Variants in NKIRAS1 observed in about 807,000 individuals in gnomAD.
NKIRAS1 encodes the protein NF-kappa-B inhibitor-interacting Ras-like protein 1.
A neutral mutation model predicts 19.8 loss-of-function variants in NKIRAS1; 16 were observed. The ratio of observed to expected loss-of-function variants is 0.81; its 90% CI spans 0.55 to 1.23. The LOEUF (loss-of-function observed/expected upper bound fraction) is 1.23. NKIRAS1 is among the 50% of genes most tolerant of loss of function. NKIRAS1 has a pLI of 0.00. For synonymous variants in NKIRAS1, 88 were observed against 79.0 expected (o/e 1.11, Z -0.61); for missense variants, 184 against 220.0 (o/e 0.84, Z 1.04).
chr3:23,914,556 A>G (rs1423431187), intron 1 of NKIRAS1, among the ~76,000 whole-genome samples: 2 of 152,230 alleles, frequency 1.3e-5, no homozygotes, highest in African/African-American at 4.8e-5. Context: ...GTATTGCACA[A>G]AATAAAATGT....
At chr3:23,919,288 C>G (rs766621970), upstream of NKIRAS1, 1 of 1,608,076 alleles carries the variant, frequency 6.2e-7, no homozygotes, top group South Asian at 1.1e-5. Context: ...AGGTTATCCT[C>G]ATTGATCCAT....
intron 1 of NKIRAS1, chr3:23,945,587 G>C: frequency 8.6e-7 from 1 of 1,166,628 alleles, no homozygotes; most frequent in Non-Finnish European, 1.1e-6. Flanking sequence ...CCATGGAGGT[G>C]AATGCAGGTA....
chr3:23,893,461 T>G, intron 4 of NKIRAS1, 124 bp from the exon 5 acceptor site: 1 of 795,584 alleles, frequency 1.3e-6, no homozygotes, highest in Non-Finnish European at 2.0e-6. Context: ...GATTCTCAAG[T>G]GTGACTGGAT....
chr3:23,939,764 CAAAA>C lies in NKIRAS1; in HGVS notation c.-140+6555_-140+6558del, dbSNP rs1265455673. On this transcript the variant is annotated intron_variant, in intron 1 of 4. Transcript: ENST00000421515. ...GTCTCAAAACAAACAAACAAACAAA[CAAAA>C]AACAAAAAAGGGAAACTGTAGAGTT... Among the ~76,000 whole-genome samples the C allele has an allele frequency of 1.9e-4, 28 of 151,252 alleles. No individual in the cohort carries two copies. The East Asian group carries it at 5.4e-3, about 29-fold the overall frequency.
In NKIRAS1 at chr3:23,940,052, C is replaced by T. The variant is rs146283557; in HGVS notation, c.-140+6271G>A. ...TTTAAATTTAAATTTAAAAACTGACCGGGTGCGTAGGCTCACACCTGTAAT... is the reference window on the plus strand; with the variant it reads ...TTTAAATTTAAATTTAAAAACTGACTGGGTGCGTAGGCTCACACCTGTAAT... On this transcript the variant is annotated intron_variant, in intron 1 of 4. Coordinates refer to the NKIRAS1 transcript ENST00000421515. Among the ~76,000 whole-genome samples the T allele has an allele frequency of 6.3e-4, 95 of 150,846 alleles. 1 individual carries two copies. The highest frequency in any genetic ancestry group is 2.2e-3 in the African/African-American group (92 of 41,078).
upstream of NKIRAS1, chr3:23,921,961 C>A: frequency 4.4e-6 from 1 of 226,584 alleles, no homozygotes; most frequent in East Asian, 9.3e-5. Flanking sequence ...CTGCCTTGGC[C>A]TCCCAAAGTG....
At position 23,891,430 on chromosome 3, in the gene NKIRAS1, ATTAG is replaced by A. The variant is rs961122880; in HGVS notation, c.*1661_*1664del. On this transcript the variant is annotated 3_prime_UTR_variant, in exon 5 of 5. Transcript: ENST00000425478. The stretch of plus-strand genomic sequence containing the variant: ...TAAAAATAATGCATATTTAGTAGGT[ATTAG>A]TTAGTTACCTATATTAGGATCTGTA... The A allele has an allele frequency of 5.3e-5, 8 of 152,232 alleles. No homozygotes were observed. The highest frequency in any genetic ancestry group is 1.0e-4 in the Non-Finnish European group (7 of 68,036). 9.4% of individuals were successfully genotyped at this position (152,232 alleles called of 1,614,324 possible). A position where few individuals can be genotyped will look rare whatever the true frequency, so the allele number is the denominator to read the frequency against.
chr3:23,931,738 A>G (rs1393818131), intron 1 of NKIRAS1, among the ~76,000 whole-genome samples: 4 of 150,480 alleles, frequency 2.7e-5, no homozygotes, highest in Admixed American at 6.6e-5. Context: ...GAGAGAGAGA[A>G]AGAAAGGTAG....
At chr3:23,908,861 C>CT (rs1218138162) in intron 3 of NKIRAS1, among the ~76,000 whole-genome samples, 4 of 136,638 alleles carry the variant, frequency 2.9e-5, no homozygotes, top group African/African-American at 1.1e-4. Context: ...TTTTTTTTTT[C>CT]TTTTTTTCAT....
At chr3:23,914,542 C>CAACA (rs1179611659) in intron 1 of NKIRAS1, among the ~76,000 whole-genome samples, 1 of 152,172 alleles carries the variant, frequency 6.6e-6, no homozygotes, top group Non-Finnish European at 1.5e-5. Context: ...AGGTTTTGCA[C>CAACA]ACAGTATTGC....
chr3:23,921,953 G>A (rs1284981078), upstream of NKIRAS1: 1 of 237,672 alleles, frequency 4.2e-6, no homozygotes, highest in South Asian at 1.2e-4. Flanking sequence ...AAGCAATCCT[G>A]CCTTGGCCTC....
At chr3:23,914,524 T>C (rs1704104669) in intron 1 of NKIRAS1, among the ~76,000 whole-genome samples, 1 of 152,242 alleles carries the variant, frequency 6.6e-6, no homozygotes, top group Non-Finnish European at 1.5e-5. Context: ...CATAAAAATA[T>C]ATTCAACAGG....
intron 1 of NKIRAS1, among the ~76,000 whole-genome samples, chr3:23,913,753 T>C (rs1704011122): frequency 6.6e-6 from 1 of 152,130 alleles, no homozygotes; most frequent in Admixed American, 6.6e-5. Flanking sequence ...ACAAAGGTGG[T>C]CATCTGCAGT....
intron 3 of NKIRAS1, among the ~76,000 whole-genome samples, chr3:23,908,662 A>G (rs575290532): frequency 6.6e-6 from 1 of 152,250 alleles, no homozygotes; most frequent in African/African-American, 2.4e-5. Flanking sequence ...AGTAGTTTAC[A>G]AATGTCTCCA....
Position 23,890,516 on chromosome 3 carries a change from C to G in NKIRAS1, c.*2579G>C. 1.2e-6 allele frequency: 2 copies of G among 1,611,504 alleles called. No homozygotes were observed. The highest frequency in any genetic ancestry group is 3.3e-4 in the Middle Eastern group (2 of 6,054). ...TACATTCTTTTCTTCCAGCCGACCCCTTGGTGGGAAGTATTGCCACTCAGT... is the reference window on the plus strand; with the variant it reads ...TACATTCTTTTCTTCCAGCCGACCCGTTGGTGGGAAGTATTGCCACTCAGT... On this transcript the variant is annotated 3_prime_UTR_variant, in exon 5 of 5. Transcript: ENST00000425478.
chr3:23,890,588 C>CAA lies in NKIRAS1; in HGVS notation c.*2505_*2506dup. 1 of 1,608,406 alleles carries CAA rather than the reference C, an allele frequency of 6.2e-7. No individual in the cohort carries two copies. The highest frequency in any genetic ancestry group is 8.5e-7 in the Non-Finnish European group (1 of 1,176,704). ...ATGACAGAATGGCCAGACAGTGGAC[C>CAA]AAGAGATACGCTACATAAATTGGGG... On this transcript the variant is annotated 3_prime_UTR_variant, in exon 5 of 5. Transcript: ENST00000425478.
At chr3:23,929,892 C>T (rs1705275414) in intron 1 of NKIRAS1, among the ~76,000 whole-genome samples, 1 of 151,930 alleles carries the variant, frequency 6.6e-6, no homozygotes, top group African/African-American at 2.4e-5. Flanking sequence ...CAGAGAGAAC[C>T]ATGTTATCAT....
chr3:23,920,668 C>A, upstream of NKIRAS1: 1 of 985,198 alleles, frequency 1.0e-6, no homozygotes, highest in Non-Finnish European at 1.2e-6. Context: ...TTTCTCCTAT[C>A]TTCTCTAGGG....
In NKIRAS1 at chr3:23,890,737, T is replaced by G; in HGVS notation, c.*2358A>C. 1.3e-6 allele frequency: 1 copy of G among 766,422 alleles called. No homozygotes were observed. The highest frequency in any genetic ancestry group is 1.9e-6 in the Non-Finnish European group (1 of 523,948). 47.5% of individuals were successfully genotyped at this position (766,422 alleles called of 1,614,324 possible). On this transcript the variant is annotated 3_prime_UTR_variant, in exon 5 of 5. Transcript: ENST00000425478. ...CTATAACAGATATTATTCAGTCTTATTTCCTAAGATTTTGTTGTAACTTAA... is the reference window on the plus strand; with the variant it reads ...CTATAACAGATATTATTCAGTCTTAGTTCCTAAGATTTTGTTGTAACTTAA...
Sources: gnomAD v4.1 joint callset for allele counts (sites outside exome capture counted in the v4.1 genomes callset) on GRCh38, gnomAD v4.1.1 for gene constraint, MANE v1.5 for transcripts, NCBI Gene and HGNC (gene_info 2026-07-23, HGNC 2026-07-21) for gene names.